The following ASPM variants were observed in gnomAD, a reference collection of about 807,000 sequenced individuals.
The protein encoded by ASPM is assembly factor for spindle microtubules.
In ASPM, 256 loss-of-function variants were observed where a neutral mutation model predicts 366.4. The observed-to-expected ratio is 0.70, with a 90% confidence interval of 0.63 to 0.77. The LOEUF (loss-of-function observed/expected upper bound fraction) is 0.77, where lower values mean the gene tolerates loss of function less well. ASPM is among the 30% of genes least tolerant of loss of function. The pLI, the probability that ASPM is intolerant of heterozygous loss-of-function variation, is 0.00. For synonymous variants in ASPM, 1,414 were observed against 1,342.9 expected, an observed-to-expected ratio of 1.05 and a Z score of -1.16; for missense variants, 4,146 against 4,090.4, an observed-to-expected ratio of 1.01 and a Z score of -0.37.
intron 10 of ASPM, among the ~76,000 whole-genome samples, chr1:197,128,089 C>G (rs1658143028): frequency 1.3e-5 from 2 of 151,504 alleles, no homozygotes; most frequent in East Asian, 3.9e-4. Flanking sequence ...GGCGTGAACC[C>G]AGGAGGTAGG....
In ASPM at chr1:197,101,533, T is replaced by C; in HGVS notation, c.7718A>G (p.Tyr2573Cys). The change falls in exon 18 of 28, where the codon TAC becomes TGC. Residue 2573 changes from tyrosine to cysteine, a missense_variant. By Grantham distance (194) the Tyr-to-Cys change is radical. Transcript: ENST00000367409. ...TTTTGTAGCCCACTGAAGCTTTTGGTAGAAACAATACTGCCTATACATTCT... is the reference window on the plus strand; with the variant it reads ...TTTTGTAGCCCACTGAAGCTTTTGGCAGAAACAATACTGCCTATACATTCT... ...TYRMYRQYCFYQKLQWATKII... is the reference protein window; with the variant it reads ...TYRMYRQYCFCQKLQWATKII... 6.2e-7 allele frequency: 1 copy of C among 1,609,386 alleles called. No homozygotes were observed. Among genetic ancestry groups the C allele is most frequent in the East Asian group, 2.2e-5 (1 of 44,782 alleles).
chr1:197,094,295 A>G, intron 19 of ASPM, 115 bp from the exon 20 acceptor site: 1 of 674,478 alleles, frequency 1.5e-6, no homozygotes. Context: ...AAAGGCAATG[A>G]CAGAATTTTA....
Position 197,133,545 on chromosome 1 carries a change from C to T in ASPM, c.2224G>A (p.Val742Ile), listed in dbSNP as rs760299375. The change falls in exon 6 of 28, where the codon GTT becomes ATT. Residue 742 changes from valine (V) to isoleucine (I), a missense_variant. Around this residue, in one of 3 missense-constraint regions of ASPM, gnomAD observed 3,624 missense variants for 3,591.7 expected, o/e 1.01. Transcript: ENST00000367409. ...LGIENQHKISVPRAPTKEEMS... is the reference protein window; with the variant it reads ...LGIENQHKISIPRAPTKEEMS... ...TCCTCTTTTGTAGGTGCTCTAGGAACACTTATTTTATGTTGATTCTCTATT... is the reference window on the plus strand; with the variant it reads ...TCCTCTTTTGTAGGTGCTCTAGGAATACTTATTTTATGTTGATTCTCTATT... 2 of 1,613,636 alleles carry T rather than the reference C, an allele frequency of 1.2e-6. No homozygotes were observed. Among genetic ancestry groups the T allele is most frequent in the Non-Finnish European group, 1.7e-6 (2 of 1,179,668 alleles).
intron 19 of ASPM, among the ~76,000 whole-genome samples, chr1:197,094,541 T>A (rs1310849696): frequency 6.6e-6 from 1 of 151,774 alleles, no homozygotes; most frequent in East Asian, 1.9e-4. Context: ...GATTTGAGTC[T>A]GCATGGCAAG....
At chr1:197,111,825 A>C (rs1378600293) in intron 17 of ASPM, among the ~76,000 whole-genome samples, 2 of 152,146 alleles carry the variant, frequency 1.3e-5, no homozygotes. Context: ...ACTATCTCAC[A>C]TCAATCATAA....
At chr1:197,117,009 ATT>A (rs1382718904) in intron 17 of ASPM, among the ~76,000 whole-genome samples, 1 of 152,060 alleles carries the variant, frequency 6.6e-6, no homozygotes, top group Non-Finnish European at 1.5e-5. Context: ...ATTGGCATTT[ATT>A]TTGTGAAAAA....
At chr1:197,130,184 T>TA in intron 7 of ASPM, 128 bp from the exon 8 acceptor site, 1 of 990,168 alleles carries the variant, frequency 1.0e-6, no homozygotes, top group Non-Finnish European at 1.5e-6. Flanking sequence ...CATGGTTATT[T>TA]GCTAAATAAC....
intron 17 of ASPM, 28 bp downstream of exon 17, chr1:197,117,761 A>T (rs1193370728): frequency 1.3e-6 from 2 of 1,575,176 alleles, no homozygotes; most frequent in Non-Finnish European, 1.7e-6. Context: ...AATTTTTTAA[A>T]TTCAAAAATT....
chr1:197,090,163 C>G, intron 24 of ASPM, 33 bp downstream of exon 24: 2 of 1,612,090 alleles, frequency 1.2e-6, no homozygotes, highest in East Asian at 4.5e-5. Flanking sequence ...TGTAGTATTA[C>G]ATCATTCTTT....
Position 197,146,609 on chromosome 1 carries a change from A to G in ASPM, c.-172T>C. The G allele has an allele frequency of 1.5e-6, 1 of 686,502 alleles. No homozygotes were observed. Among genetic ancestry groups the G allele is most frequent in the Non-Finnish European group, 2.4e-6 (1 of 408,602 alleles). The allele number at this position is 686,502 out of a possible 1,614,324, so 42.5% of individuals were successfully genotyped here. On this transcript the variant is annotated 5_prime_UTR_variant, in exon 1 of 28. Transcript: ENST00000367409. ...TAACCTACTCCCTAGAAAACAGAAA[A>G]CAAGCCCAATAAACTCGCAAATTAA...
intron 1 of ASPM, among the ~76,000 whole-genome samples, chr1:197,144,407 A>G (rs957311953): frequency 2.2e-4 from 33 of 152,214 alleles, no homozygotes; most frequent in Non-Finnish European, 1.9e-4. Flanking sequence ...GTACATTTCT[A>G]ATTTTTAGAT....
At chr1:197,133,731 C>A in intron 5 of ASPM, 136 bp from the exon 6 acceptor site, 1 of 1,002,558 alleles carries the variant, frequency 1.0e-6, no homozygotes, top group Non-Finnish European at 1.4e-6. Context: ...CTCCTTAGGC[C>A]AATCTATCAT....
chr1:197,135,489 T>C (rs937877510), intron 4 of ASPM, among the ~76,000 whole-genome samples: 2 of 152,172 alleles, frequency 1.3e-5, no homozygotes, highest in Non-Finnish European at 2.9e-5. Context: ...TACATTAAAG[T>C]CTGATAGAAT....
chr1:197,125,294 G>C (rs1380337791), intron 10 of ASPM, 103 bp from the exon 11 acceptor site: 3 of 1,382,592 alleles, frequency 2.2e-6, no homozygotes, highest in Non-Finnish European at 3.0e-6. Context: ...AACAGTTACA[G>C]GGCTTTATGA....
At chr1:197,125,019 T>G in intron 11 of ASPM, 27 bp downstream of exon 11, 1 of 1,612,034 alleles carries the variant, frequency 6.2e-7, no homozygotes, top group Non-Finnish European at 8.5e-7. Context: ...GTGAGGAGAA[T>G]AAGTTTTACC....
intron 18 of ASPM, among the ~76,000 whole-genome samples, chr1:197,098,793 A>G (rs1221093781): frequency 6.6e-6 from 1 of 151,510 alleles, no homozygotes; most frequent in Non-Finnish European, 1.5e-5. Flanking sequence ...TGGTGATCTC[A>G]TTATTCCCAG....
In ASPM at chr1:197,103,318, T is replaced by C. The variant is rs914973241; in HGVS notation, c.5933A>G (p.Gln1978Arg). ...QRQHKCAIII[Q>R]SYYRMHVQQK... ...TTGCACATGCATTCTATAGTATGACTGTATGATGATAGCACATTTATGTTG... is the reference window on the plus strand; with the variant it reads ...TTGCACATGCATTCTATAGTATGACCGTATGATGATAGCACATTTATGTTG... The change falls in exon 18 of 28, where the codon CAG becomes CGG. Residue 1978 changes from glutamine (Q) to arginine (R), a missense_variant. Gln to Arg is a conservative substitution (Grantham distance 43). Around this residue, in one of 3 missense-constraint regions of ASPM, gnomAD observed 3,624 missense variants for 3,591.7 expected, o/e 1.01. Coordinates refer to ENST00000367409, the MANE Select transcript of ASPM (RefSeq NM_018136.5). The C allele has an allele frequency of 1.2e-6, 2 of 1,613,060 alleles. No individual in the cohort carries two copies. Among genetic ancestry groups the C allele is most frequent in the Non-Finnish European group, 1.7e-6 (2 of 1,179,434 alleles).
intron 17 of ASPM, among the ~76,000 whole-genome samples, chr1:197,110,942 A>G (rs941184081): frequency 6.6e-6 from 1 of 152,156 alleles, no homozygotes; most frequent in African/African-American, 2.4e-5. Context: ...TTAATGCAAG[A>G]TGGATTAAAG....
In ASPM at chr1:197,143,110, T is replaced by A; in HGVS notation, c.1142A>T (p.Asp381Val). 6.2e-7 allele frequency: 1 copy of A among 1,612,912 alleles called. No individual in the cohort carries two copies. Among genetic ancestry groups the A allele is most frequent in the Admixed American group, 1.7e-5 (1 of 59,996 alleles). ...FIKDNYGLNQDLESESVNPIL... is the reference protein window; with the variant it reads ...FIKDNYGLNQVLESESVNPIL... ...AGGATTAACTGACTCTGATTCTAGA[T>A]CCTGATTTAGTCCATAATTATCTTT... The change falls in exon 3 of 28, where the codon GAT becomes GTT. Residue 381 changes from aspartate (D) to valine (V), a missense_variant. Asp to Val is a radical substitution (Grantham distance 152). Transcript: ENST00000367409.
Sources: allele counts gnomAD v4.1 joint callset (sites outside exome capture counted in the v4.1 genomes callset), GRCh38; gene constraint gnomAD v4.1.1; regional missense constraint gnomAD v4.1.1; transcripts MANE v1.5; gene names NCBI Gene and HGNC (gene_info 2026-07-23, HGNC 2026-07-21).